Variants in SEMA3F observed in about 807,000 individuals in gnomAD.
SEMA3F encodes semaphorin-3F.
Under a neutral mutation model 98.5 loss-of-function variants are expected in SEMA3F, and 30 were observed. That is an observed-to-expected ratio of 0.30 (90% confidence interval 0.23 to 0.41). The LOEUF (loss-of-function observed/expected upper bound fraction) is 0.41. Among genes scored for constraint, SEMA3F ranks in the 10% least tolerant of loss-of-function variants. The pLI, the probability that SEMA3F is intolerant of heterozygous loss-of-function variation, is 1.00. For synonymous variants in SEMA3F, 380 were observed against 444.8 expected (o/e 0.85, Z 1.83); for missense variants, 866 against 1,119.3 (o/e 0.77, Z 3.23).
Position 50,183,256 on chromosome 3 carries a change from G to A in SEMA3F, c.1088+1G>A. 6.2e-7 allele frequency: 1 copy of A among 1,614,046 alleles called. No individual in the cohort carries two copies. On this transcript the variant is annotated splice_donor_variant, in intron 11 of 18. Transcript: ENST00000002829. LOFTEE classifies it high-confidence loss of function. ...TTTACGCTGTCTTTACCTCCTCTGGGTGAGGCTGGGGTCAGGGCCAGCAGT... is the reference window on the plus strand; with the variant it reads ...TTTACGCTGTCTTTACCTCCTCTGGATGAGGCTGGGGTCAGGGCCAGCAGT...
intron 2 of SEMA3F, among the ~76,000 whole-genome samples, chr3:50,170,690 C>T (rs1007870769): frequency 5.3e-5 from 8 of 152,030 alleles, no homozygotes; most frequent in African/African-American, 9.7e-5. Context: ...GCGAGAGTGC[C>T]CCCAACTCAG....
chr3:50,170,077 G>A (rs1318108952), intron 2 of SEMA3F, among the ~76,000 whole-genome samples: 2 of 152,270 alleles, frequency 1.3e-5, no homozygotes, highest in East Asian at 1.9e-4. Context: ...GTCTGCAGCT[G>A]GGGGTGCAGG....
chr3:50,156,735 A>T lies in SEMA3F; in HGVS notation c.-49+1171A>T, dbSNP rs1179471952. On this transcript the variant is annotated intron_variant, in intron 1 of 18. Transcript: ENST00000002829. This position sits in a 1 kb window ranked among gnomAD's most constrained non-coding sequence, Gnocchi z 4.5. ...TCCTGCTGCTCCCCCTTCAGCTCCG[A>T]AGGAGCCAGGCCCGGAAGTGGGGAG... Among the ~76,000 whole-genome samples, 1 of 152,160 alleles carries T rather than the reference A, an allele frequency of 6.6e-6. No individual in the cohort carries two copies. Among genetic ancestry groups the T allele is most frequent in the Non-Finnish European group, 1.5e-5 (1 of 68,016 alleles).
Position 50,184,667 on chromosome 3 carries a change from A to G in SEMA3F, c.1309A>G (p.Ser437Gly), listed in dbSNP as rs779118686. The part of the protein sequence containing the change: ...YPDEVINFMR[S>G]HPLMYQAVYP... ...TGATGAGGTGATCAACTTCATGCGC[A>G]GCCACCCACTCATGTACCAGGCCGT... Residue 437 changes from serine (S) to glycine (G), a missense_variant, in exon 13 of 19, where the codon AGC becomes GGC. Around this residue, in one of 3 missense-constraint regions of SEMA3F, gnomAD observed 374 missense variants for 582.8 expected, o/e 0.64. Coordinates refer to ENST00000002829, the MANE Select transcript of SEMA3F (RefSeq NM_004186.5). 5 of 1,614,140 alleles carry G rather than the reference A, an allele frequency of 3.1e-6. No homozygotes were observed. In the South Asian group the frequency reaches 5.5e-5, roughly 18 times the overall value.
intron 2 of SEMA3F, 89 bp from the exon 3 acceptor site, chr3:50,173,704 C>T (rs1369071467): frequency 8.6e-7 from 1 of 1,167,826 alleles, no homozygotes; most frequent in Non-Finnish European, 1.2e-6. Context: ...TGAGGGGAAC[C>T]TCAGGGCCTC....
chr3:50,165,667 C>T (rs1698377938), intron 2 of SEMA3F, among the ~76,000 whole-genome samples: 2 of 152,248 alleles, frequency 1.3e-5, no homozygotes. Flanking sequence ...ATTCCTGCTG[C>T]ATTTTTCTTA....
At chr3:50,185,728 G>C (rs368941488) in intron 15 of SEMA3F, 21 bp downstream of exon 15, 1 of 1,614,120 alleles carries the variant, frequency 6.2e-7, no homozygotes, top group Non-Finnish European at 8.5e-7. Context: ...GGCGAGGTGA[G>C]CCAAGGTTGG....
chr3:50,177,273 A>G (rs1347843372), intron 7 of SEMA3F, among the ~76,000 whole-genome samples: 1 of 152,126 alleles, frequency 6.6e-6, no homozygotes, highest in Admixed American at 6.5e-5. Flanking sequence ...GTAGCGAAGG[A>G]CCAATGGAGA....
rs1310058815 is a variant in SEMA3F at position 50,182,644 on chromosome 3, A to G, written c.764A>G (p.Asp255Gly). 1.2e-6 allele frequency: 2 copies of G among 1,610,848 alleles called. No individual in the cohort carries two copies. Among genetic ancestry groups the G allele is most frequent in the Non-Finnish European group, 1.7e-6 (2 of 1,177,872 alleles). ...CCCAGCTGACCCCTGCCACCTGCAGACCCGTCGTTCATCCATGCTGAGCTC... is the reference window on the plus strand; with the variant it reads ...CCCAGCTGACCCCTGCCACCTGCAGGCCCGTCGTTCATCCATGCTGAGCTC... ...TDQYNSRWLN[D>G]PSFIHAELIP... Residue 255 changes from aspartate (D) to glycine (G), a missense_variant and splice_region_variant, in exon 9 of 19, where the codon GAC becomes GGC. Asp to Gly is a moderately conservative substitution (Grantham distance 94). Transcript: ENST00000002829. The surrounding 1 kb of genome is among the most constrained non-coding windows in gnomAD (Gnocchi z 4.5).
At chr3:50,164,753 A>G (rs978851551) in intron 2 of SEMA3F, among the ~76,000 whole-genome samples, 5 of 152,228 alleles carry the variant, frequency 3.3e-5, no homozygotes, top group Admixed American at 2.6e-4. Context: ...GCCCTGTGGA[A>G]GCAGCATCAT....
chr3:50,160,323 G>A (rs1698157613), intron 2 of SEMA3F, among the ~76,000 whole-genome samples: 1 of 152,220 alleles, frequency 6.6e-6, no homozygotes, highest in African/African-American at 2.4e-5. Flanking sequence ...AGCACGTGCT[G>A]CTGTGAGGGC....
At position 50,188,957 on chromosome 3, in the gene SEMA3F, T is replaced by A. The variant is rs1212063350; in HGVS notation, c.*842T>A. On this transcript the variant is annotated 3_prime_UTR_variant, in exon 19 of 19. Coordinates refer to ENST00000002829, the MANE Select transcript of SEMA3F (RefSeq NM_004186.5). The surrounding 1 kb of genome is among the most constrained non-coding windows in gnomAD (Gnocchi z 4.5). The stretch of plus-strand genomic sequence containing the variant: ...CCACTTCAGGGGATGGGTGTGGATG[T>A]AATTAGCTCTGGGGGGCAGTTGGGT... 6 of 152,192 alleles carry A rather than the reference T, an allele frequency of 3.9e-5. No individual in the cohort carries two copies. The highest frequency in any genetic ancestry group is 7.3e-5 in the Non-Finnish European group (5 of 68,062). The allele number at this position is 152,192 out of a possible 1,614,324, so 9.4% of individuals were successfully genotyped here.
intron 2 of SEMA3F, among the ~76,000 whole-genome samples, chr3:50,168,382 A>G (rs977822797): frequency 3.3e-5 from 5 of 152,152 alleles, no homozygotes; most frequent in African/African-American, 1.2e-4. Flanking sequence ...CTGGGCTTGA[A>G]CAAATGGTAA....
At chr3:50,165,645 G>A (rs1036798906) in intron 2 of SEMA3F, among the ~76,000 whole-genome samples, 2 of 152,268 alleles carry the variant, frequency 1.3e-5, no homozygotes, top group Non-Finnish European at 2.9e-5. Context: ...GAGCTTTGGA[G>A]AAGCAGAGAG....
intron 2 of SEMA3F, among the ~76,000 whole-genome samples, chr3:50,168,772 C>T (rs1434839714): frequency 6.6e-6 from 1 of 152,152 alleles, no homozygotes; most frequent in African/African-American, 2.4e-5. Context: ...GTAGGGACCA[C>T]CTGGGCCCTG....
At chr3:50,161,159 G>T (rs1470717113) in intron 2 of SEMA3F, among the ~76,000 whole-genome samples, 1 of 152,154 alleles carries the variant, frequency 6.6e-6, no homozygotes, top group Non-Finnish European at 1.5e-5. Context: ...GTGGAAGGGA[G>T]GGGTGGCTTG....
At position 50,183,524 on chromosome 3, in the gene SEMA3F, T is replaced by A; in HGVS notation, c.1193T>A (p.Met398Lys). ...AAAGAGGGGCCCAACTACCAGTGGATGCCCTTCTCAGGGAAGATGCCCTAC... is the reference window on the plus strand; with the variant it reads ...AAAGAGGGGCCCAACTACCAGTGGAAGCCCTTCTCAGGGAAGATGCCCTAC... ...AHKEGPNYQW[M>K]PFSGKMPYPR... The change falls in exon 12 of 19, where the codon ATG becomes AAG. Residue 398 changes from methionine to lysine, a missense_variant. Met to Lys is a moderately conservative substitution (Grantham distance 95). Coordinates refer to ENST00000002829, the MANE Select transcript of SEMA3F (RefSeq NM_004186.5). 6.2e-7 allele frequency: 1 copy of A among 1,614,098 alleles called. No homozygotes were observed. The highest frequency in any genetic ancestry group is 8.5e-7 in the Non-Finnish European group (1 of 1,180,030).
chr3:50,182,752 C>T lies in SEMA3F; in HGVS notation c.872C>T (p.Ala291Val), dbSNP rs546353560. ...ERSAEAPQSP[A>V]VYARIGRICL... ...TCGGCAGAGGCGCCGCAGAGCCCCG[C>T]GGTGTACGCCCGCATCGGGCGCATT... Residue 291 changes from alanine (A) to valine (V), a missense_variant, in exon 9 of 19, where the codon GCG becomes GTG. By Grantham distance (64) the Ala-to-Val change is moderately conservative (BLOSUM62 0). Transcript: ENST00000002829. The surrounding 1 kb of genome is among the most constrained non-coding windows in gnomAD (Gnocchi z 4.5). The T allele has an allele frequency of 8.7e-6, 14 of 1,613,208 alleles. No individual in the cohort carries two copies. The highest frequency in any genetic ancestry group is 5.3e-5 in the African/African-American group (4 of 75,072).
intron 10 of SEMA3F, 49 bp from the exon 11 acceptor site, chr3:50,183,137 G>A (rs754050305): frequency 1.3e-6 from 2 of 1,586,426 alleles, no homozygotes; most frequent in East Asian, 4.5e-5. Flanking sequence ...GTGGGGCCCA[G>A]GGGCTCCCGC....
Sources: gnomAD v4.1 joint callset for allele counts (sites outside exome capture counted in the v4.1 genomes callset) on GRCh38, gnomAD v4.1.1 for gene constraint, gnomAD v4.1.1 regional missense constraint, Gnocchi (gnomAD v3.1) non-coding constraint, MANE v1.5 for transcripts, NCBI Gene and HGNC (gene_info 2026-07-23, HGNC 2026-07-21) for gene names.